SORCS2: variants seen among roughly 807,000 people sequenced by gnomAD.
SORCS2 encodes VPS10 domain-containing receptor SorCS2.
SORCS2 carries 100 observed loss-of-function variants against 141.6 expected under a neutral mutation model. The observed-to-expected ratio is 0.71, with a 90% CI of 0.60 to 0.83. The LOEUF (loss-of-function observed/expected upper bound fraction) is 0.83, where lower values mean the gene tolerates loss of function less well. Among genes scored for constraint, SORCS2 ranks in the 40% least tolerant of loss-of-function variants. The probability of loss-of-function intolerance (pLI) is 0.00; values close to 1 mark genes in which losing one functional copy is unlikely to be tolerated. For synonymous variants in SORCS2, 789 were observed against 676.9 expected, an observed-to-expected ratio of 1.17 and a Z score of -2.57; for missense variants, 1,646 against 1,560.2, an observed-to-expected ratio of 1.05 and a Z score of -0.93.
intron 24 of SORCS2, among the ~76,000 whole-genome samples, 185 bp from the exon 25 acceptor site, chr4:7,734,087 G>A (rs1711941526): frequency 1.3e-5 from 2 of 151,578 alleles, no homozygotes; most frequent in Admixed American, 6.6e-5. Context: ...GGCTGGGGAA[G>A]GGCTGGGGAG....
chr4:7,463,195 T>A (rs1375650036), intron 2 of SORCS2, among the ~76,000 whole-genome samples: 2 of 152,156 alleles, frequency 1.3e-5, no homozygotes, highest in Admixed American at 1.3e-4. Context: ...TTGAGAAGCC[T>A]CCTGAATGAA....
intron 2 of SORCS2, among the ~76,000 whole-genome samples, chr4:7,426,917 T>A (rs1293317597): frequency 6.6e-6 from 1 of 152,190 alleles, no homozygotes; most frequent in Admixed American, 6.5e-5. Context: ...TGAACCCGGA[T>A]AACAGTGGGG....
intron 18 of SORCS2, among the ~76,000 whole-genome samples, chr4:7,719,394 T>C (rs1292859928): frequency 6.6e-6 from 1 of 152,146 alleles, no homozygotes; most frequent in Non-Finnish European, 1.5e-5. Flanking sequence ...GCCAACCTGC[T>C]TTATAGCTGG....
intron 18 of SORCS2, among the ~76,000 whole-genome samples, chr4:7,721,267 C>G (rs1273929544): frequency 6.6e-6 from 1 of 152,152 alleles, no homozygotes; most frequent in Non-Finnish European, 1.5e-5. Context: ...GAGTTCGAGA[C>G]CAGCCTGGCC....
At chr4:7,632,223 C>T (rs1362999542) in intron 3 of SORCS2, among the ~76,000 whole-genome samples, 1 of 152,120 alleles carries the variant, frequency 6.6e-6, no homozygotes, top group African/African-American at 2.4e-5. Context: ...AATAACTGGC[C>T]ATTAGTGAAA....
At chr4:7,247,693 G>A (rs1425306578) in intron 1 of SORCS2, among the ~76,000 whole-genome samples, 1 of 152,244 alleles carries the variant, frequency 6.6e-6, no homozygotes, top group Non-Finnish European at 1.5e-5. Context: ...GAGGTGGGCA[G>A]CGGGGCGCGG....
chr4:7,249,817 C>T (rs1713361921), intron 1 of SORCS2, among the ~76,000 whole-genome samples: 1 of 152,166 alleles, frequency 6.6e-6, no homozygotes, highest in African/African-American at 2.4e-5. Context: ...ATGCCAGGAC[C>T]CGCAGGTTTC....
At chr4:7,615,773 C>G (rs1031741459) in intron 3 of SORCS2, among the ~76,000 whole-genome samples, 2 of 151,708 alleles carry the variant, frequency 1.3e-5, no homozygotes, top group African/African-American at 4.9e-5. Context: ...CATCACTTAA[C>G]AGTAGACAGC....
chr4:7,696,240 G>A (rs1434034800), intron 11 of SORCS2, among the ~76,000 whole-genome samples: 3 of 152,118 alleles, frequency 2.0e-5, no homozygotes, highest in East Asian at 3.9e-4. Context: ...GGCCTCTGGG[G>A]CCCCAGAACA....
chr4:7,359,313 C>A (rs1721442136), intron 1 of SORCS2, among the ~76,000 whole-genome samples: 1 of 151,394 alleles, frequency 6.6e-6, no homozygotes. Flanking sequence ...AGCAAATAAA[C>A]AAAAAAAACA....
rs10012854 is a variant in SORCS2 at position 7,204,563 on chromosome 4, G to A, written c.480+11437G>A. Among the ~76,000 whole-genome samples the A allele has an allele frequency of 8.2e-3, 1,250 of 152,292 alleles. 21 individuals carry two copies. The highest frequency in any genetic ancestry group is 0.029 in the African/African-American group (1,193 of 41,560). ...GCCTGAGGTTTTATCTGCATCAGAA[G>A]TCACTCTTGTGGCTGCCTTGTGTTG... On this transcript the variant is annotated intron_variant, in intron 1 of 26. Coordinates refer to ENST00000507866, the MANE Select transcript of SORCS2 (RefSeq NM_020777.3).
chr4:7,315,533 G>A (rs956232027), intron 1 of SORCS2, among the ~76,000 whole-genome samples: 2 of 152,100 alleles, frequency 1.3e-5, no homozygotes, highest in Non-Finnish European at 2.9e-5. Flanking sequence ...AGTAGCCCAG[G>A]GTCTGGGGAG....
chr4:7,328,444 G>A (rs564109416), intron 1 of SORCS2, among the ~76,000 whole-genome samples: 8 of 152,166 alleles, frequency 5.3e-5, no homozygotes, highest in Non-Finnish European at 1.5e-5. Context: ...GCACCTAGAT[G>A]TTAAATCGCT....
chr4:7,692,306 C>G (rs1658635957), intron 11 of SORCS2, among the ~76,000 whole-genome samples: 1 of 152,136 alleles, frequency 6.6e-6, no homozygotes, highest in Non-Finnish European at 1.5e-5. Context: ...GCTCCCCTGC[C>G]CACCCCGCCG....
intron 9 of SORCS2, among the ~76,000 whole-genome samples, chr4:7,680,053 G>A (rs1723420627): frequency 6.6e-6 from 1 of 152,216 alleles, no homozygotes; most frequent in African/African-American, 2.4e-5. Context: ...AGCCCTCTGG[G>A]TGATGTCCCT....
chr4:7,543,711 C>G (rs140359523), intron 3 of SORCS2, among the ~76,000 whole-genome samples: 5 of 2,970 alleles, frequency 1.7e-3, no homozygotes, highest in Non-Finnish European at 2.3e-3. Flanking sequence ...CATCCATCCA[C>G]CCATCCACCC....
chr4:7,309,115 G>T lies in SORCS2; in HGVS notation c.481-87173G>T, dbSNP rs549769008. 4.6e-5 allele frequency among the ~76,000 whole-genome samples: 7 copies of T among 152,334 alleles called. No homozygotes were observed. The South Asian group carries it at 1.2e-3, about 27-fold the overall frequency. ...GGCTGGGAGCCCCTTGGTTGTCAGG[G>T]TTGTCAGCACTTGGAAAGGTCTAAA... On this transcript the variant is annotated intron_variant, in intron 1 of 26. Transcript: ENST00000507866.
At chr4:7,717,394 G>A (rs1338926266) in intron 17 of SORCS2, among the ~76,000 whole-genome samples, 1 of 152,198 alleles carries the variant, frequency 6.6e-6, no homozygotes, top group Non-Finnish European at 1.5e-5. Context: ...TCCACTAGAG[G>A]GTCTGCTCTG....
chr4:7,678,809 T>G (rs11729581), intron 9 of SORCS2, among the ~76,000 whole-genome samples: 48,707 of 147,422 alleles, frequency 0.33, 8,120 homozygotes, highest in East Asian at 0.46. Flanking sequence ...GAGCCTGACT[T>G]CCCGAGGGTC....
Sources: allele counts gnomAD v4.1 joint callset (sites outside exome capture counted in the v4.1 genomes callset), GRCh38; gene constraint gnomAD v4.1.1; transcripts MANE v1.5; gene names NCBI Gene and HGNC (gene_info 2026-07-23, HGNC 2026-07-21).